The following SUFU variants were observed in gnomAD, a reference collection of about 807,000 sequenced individuals.
The protein encoded by SUFU is SUFU negative regulator of hedgehog signaling, also known as suppressor of fused homolog.
A neutral mutation model predicts 58.9 loss-of-function variants in SUFU; 7 were observed. The observed-to-expected ratio is 0.12, with a 90% CI of 0.07 to 0.22. SUFU has a LOEUF of 0.22. Ranked by LOEUF, SUFU falls within the 10% of genes least tolerant of loss-of-function variation. The probability of loss-of-function intolerance (pLI) is 1.00; values close to 1 mark genes in which losing one functional copy is unlikely to be tolerated. For synonymous variants in SUFU, 232 were observed against 254.8 expected (o/e 0.91, Z 0.85); for missense variants, 451 against 641.3 (o/e 0.70, Z 3.20).
chr10:102,602,225 A>G (rs774745833), intron 8 of SUFU, among the ~76,000 whole-genome samples: 9 of 152,208 alleles, frequency 5.9e-5, no homozygotes, highest in Non-Finnish European at 1.2e-4. Flanking sequence ...AGAGAGGCTA[A>G]TAAGTATCTT....
intron 2 of SUFU, among the ~76,000 whole-genome samples, chr10:102,513,807 A>T (rs1232817753): frequency 6.6e-6 from 1 of 152,330 alleles, no homozygotes; most frequent in South Asian, 2.1e-4. Flanking sequence ...TGCCACTTTC[A>T]TAATTGTTGC....
At chr10:102,580,323 C>T (rs565507527) in intron 3 of SUFU, among the ~76,000 whole-genome samples, 1 of 152,172 alleles carries the variant, frequency 6.6e-6, no homozygotes, top group African/African-American at 2.4e-5. Flanking sequence ...GGGAATTACG[C>T]AGGATGTGTT....
At chr10:102,523,834 C>T (rs542231497) in intron 2 of SUFU, among the ~76,000 whole-genome samples, 2 of 152,256 alleles carry the variant, frequency 1.3e-5, no homozygotes, top group African/African-American at 4.8e-5. Flanking sequence ...CTTCATGTCT[C>T]ACTTGAGTAA....
intron 2 of SUFU, among the ~76,000 whole-genome samples, chr10:102,514,996 C>G (rs571150997): frequency 6.6e-6 from 1 of 152,320 alleles, no homozygotes; most frequent in African/African-American, 2.4e-5. Flanking sequence ...CATGCCCATG[C>G]CTCACCACCA....
intron 3 of SUFU, among the ~76,000 whole-genome samples, chr10:102,580,508 C>T (rs1202345102): frequency 2.6e-5 from 4 of 151,980 alleles, no homozygotes; most frequent in South Asian, 2.1e-4. Flanking sequence ...GGTATGGAGC[C>T]GGGTAGGCAG....
intron 10 of SUFU, among the ~76,000 whole-genome samples, chr10:102,623,187 A>G (rs888029999): frequency 2.0e-5 from 3 of 152,190 alleles, no homozygotes; most frequent in South Asian, 2.1e-4. Context: ...GTGTACAAAC[A>G]TAAGTGTTTT....
intron 3 of SUFU, among the ~76,000 whole-genome samples, chr10:102,555,596 A>C (rs777789616): frequency 4.6e-5 from 7 of 152,224 alleles, no homozygotes; most frequent in Non-Finnish European, 8.8e-5. Context: ...TCTTAGGCAA[A>C]TCAAACCCTA....
At chr10:102,536,244 C>T (rs938591123) in intron 2 of SUFU, among the ~76,000 whole-genome samples, 3 of 151,624 alleles carry the variant, frequency 2.0e-5, no homozygotes, top group Non-Finnish European at 4.4e-5. Flanking sequence ...GGATTACAGG[C>T]GTGAGCGTGA....
At position 102,617,631 on chromosome 10, in the gene SUFU, A is replaced by G; in HGVS notation, c.1296+203A>G. 1 of 655,106 alleles carries G rather than the reference A, an allele frequency of 1.5e-6. No homozygotes were observed. The highest frequency in any genetic ancestry group is 1.9e-5 in the South Asian group (1 of 52,114). The allele number at this position is 655,106 out of a possible 1,614,324, so 40.6% of individuals were successfully genotyped here. On this transcript the variant is annotated intron_variant, in intron 10 of 11. Transcript: ENST00000369902. This position sits in a 1 kb window ranked among gnomAD's most constrained non-coding sequence, Gnocchi z 4.4. ...TCCAGCAGCTTAGGAGCACTTCCTG[A>G]CCTTCTCCCCCTGTCACCTGAGACA...
chr10:102,552,527 G>T (rs1274222133), intron 3 of SUFU, among the ~76,000 whole-genome samples: 1 of 152,098 alleles, frequency 6.6e-6, no homozygotes, highest in Non-Finnish European at 1.5e-5. Context: ...AGGAAACATG[G>T]CAGTTTAAAT....
intron 3 of SUFU, among the ~76,000 whole-genome samples, chr10:102,586,598 G>A (rs1025523213): frequency 5.3e-5 from 8 of 152,250 alleles, no homozygotes; most frequent in Admixed American, 3.9e-4. Flanking sequence ...GCCAGAACTC[G>A]GGAGGCGGAG....
chr10:102,571,534 CAAA>C (rs1362337670), intron 3 of SUFU, among the ~76,000 whole-genome samples: 3 of 152,040 alleles, frequency 2.0e-5, no homozygotes, highest in Non-Finnish European at 4.4e-5. Context: ...AACAAACAAA[CAAA>C]AAATTAGCCA....
chr10:102,593,804 T>G, intron 5 of SUFU, 83 bp downstream of exon 5: 1 of 1,474,826 alleles, frequency 6.8e-7, no homozygotes. Context: ...TGGGGCTCCC[T>G]CTTGCGTTGT....
intron 10 of SUFU, chr10:102,618,979 T>TGTG: frequency 1.0e-6 from 1 of 999,110 alleles, no homozygotes; most frequent in Non-Finnish European, 1.6e-6. Flanking sequence ...TGTGTGTGTG[T>TGTG]AATGTTCAAG....
chr10:102,598,072 T>C (rs1265619587), intron 7 of SUFU, among the ~76,000 whole-genome samples: 1 of 152,242 alleles, frequency 6.6e-6, no homozygotes, highest in African/African-American at 2.4e-5. Flanking sequence ...ATAAAATCCT[T>C]ACATATATGA....
intron 2 of SUFU, among the ~76,000 whole-genome samples, chr10:102,517,872 T>C (rs2062492334): frequency 6.6e-6 from 1 of 152,190 alleles, no homozygotes; most frequent in Non-Finnish European, 1.5e-5. Context: ...TTGAGTCCCC[T>C]GTACAGGCAG....
rs369393188 is a variant in SUFU at position 102,632,334 on chromosome 10, G to A, written c.*2179G>A. On this transcript the variant is annotated 3_prime_UTR_variant, in exon 12 of 12. Coordinates refer to ENST00000369902, the MANE Select transcript of SUFU (RefSeq NM_016169.4). Reference sequence around the variant, plus strand: ...AGGCAGGAGGAAGTGGGTGAGCTCCGAGATGATGAGCACATGAAGCCTGTG... The same window carrying A: ...AGGCAGGAGGAAGTGGGTGAGCTCCAAGATGATGAGCACATGAAGCCTGTG... The A allele has an allele frequency of 1.2e-4, 27 of 233,318 alleles. No individual in the cohort carries two copies. Among genetic ancestry groups the A allele is most frequent in the South Asian group, 1.1e-3 (6 of 5,526 alleles). 14.5% of individuals were successfully genotyped at this position (233,318 alleles called of 1,614,324 possible).
At chr10:102,555,707 G>A (rs2062968490) in intron 3 of SUFU, among the ~76,000 whole-genome samples, 1 of 152,158 alleles carries the variant, frequency 6.6e-6, no homozygotes, top group Non-Finnish European at 1.5e-5. Context: ...GCCCCTTATT[G>A]TAAATATTTT....
chr10:102,617,516 A>G lies in SUFU; in HGVS notation c.1296+88A>G. On this transcript the variant is annotated intron_variant, in intron 10 of 11. Transcript: ENST00000369902. The surrounding 1 kb of genome is among the most constrained non-coding windows in gnomAD (Gnocchi z 4.4). ...TTCTCCCTTGGCAGCTCTTGATGGC[A>G]CCCCTTCCTGGGGGGCTGGTCATGA... 3 of 1,584,002 alleles carry G rather than the reference A, an allele frequency of 1.9e-6. No individual in the cohort carries two copies. The highest frequency in any genetic ancestry group is 2.6e-6 in the Non-Finnish European group (3 of 1,154,486).
Sources: gnomAD v4.1 joint callset for allele counts (sites outside exome capture counted in the v4.1 genomes callset) on GRCh38, gnomAD v4.1.1 for gene constraint, Gnocchi (gnomAD v3.1) non-coding constraint, MANE v1.5 for transcripts, NCBI Gene and HGNC (gene_info 2026-07-23, HGNC 2026-07-21) for gene names.